CDKL3: variants seen among roughly 807,000 people sequenced by gnomAD.
The protein encoded by CDKL3 is cyclin-dependent kinase-like 3.
Under a neutral mutation model 69.3 loss-of-function variants are expected in CDKL3, and 65 were observed. The ratio of observed to expected loss-of-function variants is 0.94; its 90% CI spans 0.77 to 1.15. The LOEUF (loss-of-function observed/expected upper bound fraction) is 1.15, where lower values mean the gene tolerates loss of function less well. Ranked by LOEUF, CDKL3 falls within the 50% of genes most tolerant of loss-of-function variation. The pLI is 0.00. For missense variants in CDKL3, 652 were observed against 689.2 expected, an observed-to-expected ratio of 0.95 and a Z score of 0.61; for synonymous variants, 202 against 221.6, an observed-to-expected ratio of 0.91 and a Z score of 0.79.
rs1367723211 is a variant in CDKL3 at position 134,366,400 on chromosome 5, A to C, written c.124T>G (p.Ser42Ala). 6.3e-7 allele frequency: 1 copy of C among 1,593,580 alleles called. No individual in the cohort carries two copies. The highest frequency in any genetic ancestry group is 8.5e-7 in the Non-Finnish European group (1 of 1,171,216). The change falls in exon 2 of 13, where the codon TCT (serine) becomes GCT (alanine). Residue 42 changes from serine (S) to alanine (A), a missense_variant. Coordinates refer to ENST00000265334, the MANE Select transcript of CDKL3 (RefSeq NM_001113575.2). ...IKIFYERPEQ[S>A]VNKIAMREIK... The stretch of plus-strand genomic sequence containing the variant: ...TCTCTCATCGCAATTTTGTTGACAG[A>C]TTGTTCTGGTCTCTCATAAAATATC...
downstream of CDKL3, among the ~76,000 whole-genome samples, chr5:134,297,684 C>T (rs1431873449): frequency 6.6e-6 from 1 of 151,012 alleles, no homozygotes; most frequent in Non-Finnish European, 1.5e-5. Context: ...CGGGTTCAAG[C>T]GATTCTCGTG....
In CDKL3 at chr5:134,302,609, T is replaced by C; in HGVS notation, c.1700A>G (p.Gln567Arg). The C allele has an allele frequency of 6.3e-7, 1 of 1,586,520 alleles. No homozygotes were observed. The highest frequency in any genetic ancestry group is 8.6e-7 in the Non-Finnish European group (1 of 1,160,228). The change falls in exon 12 of 13, where the codon CAA becomes CGA. Residue 567 changes from glutamine (Q) to arginine (R), a missense_variant. By Grantham distance (43) the Gln-to-Arg change is conservative. Transcript: ENST00000265334. ...SKIPTLLNVD[Q>R]NQEKQEGGDG... ...AGTTACCTCTTGTTTTTCTTGATTT[T>C]GATCCACGTTAAGTAAAGTTGGTAT...
At chr5:134,284,913 G>A (rs1483245121), downstream of CDKL3, among the ~76,000 whole-genome samples, 2 of 152,196 alleles carry the variant, frequency 1.3e-5, no homozygotes, top group East Asian at 1.9e-4. Flanking sequence ...TCAAACACAC[G>A]TTTTACAAAC....
Position 134,302,609 on chromosome 5 carries a change from T to A in CDKL3, c.1700A>T (p.Gln567Leu). The A allele has an allele frequency of 6.3e-7, 1 of 1,586,520 alleles. No homozygotes were observed. Among genetic ancestry groups the A allele is most frequent in the South Asian group, 1.1e-5 (1 of 88,330 alleles). ...SKIPTLLNVD[Q>L]NQEKQEGGDG... is the part of the protein sequence containing the mutation. The stretch of plus-strand genomic sequence containing the variant: ...AGTTACCTCTTGTTTTTCTTGATTT[T>A]GATCCACGTTAAGTAAAGTTGGTAT... Residue 567 changes from glutamine to leucine, a missense_variant, in exon 12 of 13, where the codon CAA (glutamine) becomes CTA (leucine). Transcript: ENST00000265334.
intron 8 of CDKL3, among the ~76,000 whole-genome samples, chr5:134,292,234 TC>T: frequency 6.6e-6 from 1 of 152,238 alleles, no homozygotes; most frequent in East Asian, 1.9e-4. Context: ...TAAACAAGAA[TC>T]AATGGATTTA....
intron 4 of CDKL3, among the ~76,000 whole-genome samples, chr5:134,347,997 T>C (rs541187830): frequency 2.4e-4 from 36 of 152,282 alleles, no homozygotes; most frequent in South Asian, 6.2e-4. Flanking sequence ...TAATTGTACA[T>C]TTTAAATAGG....
intron 6 of CDKL3, among the ~76,000 whole-genome samples, chr5:134,317,371 G>A (rs10479074): frequency 6.6e-6 from 1 of 152,158 alleles, no homozygotes; most frequent in East Asian, 1.9e-4. Context: ...CCTGACCTCA[G>A]GTGATCCACC....
rs58904474 is a variant in CDKL3, at chr5:134,358,840, T to C, written c.360+1057A>G. On this transcript the variant is annotated intron_variant, in intron 3 of 12. Transcript: ENST00000265334. ...TGTTGCCCAGGCTGGGCTTGAACTT[T>C]TGAGCTCAAGTGATCCTCCTGCCTC... Among the ~76,000 whole-genome samples, 39 of 152,002 alleles carry C rather than the reference T, an allele frequency of 2.6e-4. 1 individual carries two copies. The highest frequency in any genetic ancestry group is 2.9e-5 in the Non-Finnish European group (2 of 68,002).
downstream of CDKL3, among the ~76,000 whole-genome samples, chr5:134,297,033 C>T (rs550693088): frequency 6.7e-6 from 1 of 149,016 alleles, no homozygotes; most frequent in South Asian, 2.1e-4. Flanking sequence ...CTCACTGCAA[C>T]CTCTGCCTCC....
chr5:134,368,313 TTG>T (rs1757903656), upstream of CDKL3, among the ~76,000 whole-genome samples: 1 of 152,178 alleles, frequency 6.6e-6, no homozygotes, highest in Non-Finnish European at 1.5e-5. Flanking sequence ...ATATTCAGAA[TTG>T]TCTTTTCTTT....
intron 6 of CDKL3, among the ~76,000 whole-genome samples, chr5:134,315,296 A>G (rs1770727773): frequency 6.6e-6 from 1 of 152,272 alleles, no homozygotes; most frequent in Middle Eastern, 3.4e-3. Flanking sequence ...TCACAAATCA[A>G]TAAGATAAAT....
chr5:134,368,836 C>T (rs927697031), upstream of CDKL3, among the ~76,000 whole-genome samples: 3 of 152,012 alleles, frequency 2.0e-5, no homozygotes, highest in South Asian at 6.2e-4. Context: ...CCAGGAGTTC[C>T]AGACCAGCCT....
rs201222861 is a variant in CDKL3 at position 134,324,758 on chromosome 5, T to C, written c.540-2855A>G. ...AGGACCATAAAATTATTCTGTATGA[T>C]ACTATAATGATGGATACATGACATT... On this transcript the variant is annotated intron_variant, in intron 4 of 12. Coordinates refer to ENST00000265334, the MANE Select transcript of CDKL3 (RefSeq NM_001113575.2). Among the ~76,000 whole-genome samples, 14 of 152,330 alleles carry C rather than the reference T, an allele frequency of 9.2e-5. No homozygotes were observed. The East Asian group carries it at 2.5e-3, about 27-fold the overall frequency.
chr5:134,354,539 T>C (rs781461059), intron 3 of CDKL3, among the ~76,000 whole-genome samples: 3 of 152,204 alleles, frequency 2.0e-5, no homozygotes, highest in South Asian at 2.1e-4. Context: ...TGTCAAAATA[T>C]ATAAATCCTT....
At chr5:134,329,489 T>A (rs934911787) in intron 4 of CDKL3, among the ~76,000 whole-genome samples, 18 of 152,046 alleles carry the variant, frequency 1.2e-4, no homozygotes, top group African/African-American at 4.1e-4. Context: ...TTATTTATTT[T>A]TTGAGACAGA....
At chr5:134,299,991 T>A (rs1371392721) in intron 12 of CDKL3, among the ~76,000 whole-genome samples, 1 of 152,280 alleles carries the variant, frequency 6.6e-6, no homozygotes, top group East Asian at 1.9e-4. Context: ...CTCTCTCTGG[T>A]TATAGAACCT....
chr5:134,338,806 G>A (rs947173116), intron 4 of CDKL3, among the ~76,000 whole-genome samples: 1 of 151,964 alleles, frequency 6.6e-6, no homozygotes, highest in African/African-American at 2.4e-5. Flanking sequence ...AAAACAACAT[G>A]AGACAAACAC....
chr5:134,367,200 C>T (rs1362233041), upstream of CDKL3: 13 of 985,604 alleles, frequency 1.3e-5, no homozygotes, highest in East Asian at 1.4e-3. Context: ...GGAACATGGG[C>T]AGGGTCCCGA....
chr5:134,350,406 GT>G lies in CDKL3; in HGVS notation c.381del (p.Lys127AsnfsTer6). 1.3e-6 allele frequency: 2 copies of G among 1,561,066 alleles called. No individual in the cohort carries two copies. The highest frequency in any genetic ancestry group is 1.9e-5 in the Admixed American group (1 of 51,780). On this transcript the variant is annotated frameshift_variant, in exon 4 of 13. Transcript: ENST00000265334. LOFTEE classifies it high-confidence loss of function. ...GACTGGGATACTAAAATATTCTCAG[GT>G]TTTATATCTCGATGAATGATCTAAA... is the stretch of plus-strand genomic sequence containing the variant. ...HSNNIIHRDIKPENILVSQSG... is the reference protein window; with the variant it reads ...HSNNIIHRDIXPENILVSQSG...
Sources: allele counts gnomAD v4.1 joint callset (sites outside exome capture counted in the v4.1 genomes callset), GRCh38; gene constraint gnomAD v4.1.1; transcripts MANE v1.5; gene names NCBI Gene and HGNC (gene_info 2026-07-23, HGNC 2026-07-21).